Variants in MIPOL1 observed in about 807,000 individuals in gnomAD.
MIPOL1 encodes the protein mirror-image polydactyly gene 1 protein.
A neutral mutation model predicts 60.9 loss-of-function variants in MIPOL1; 57 were observed. That is an observed-to-expected ratio of 0.94 (90% CI 0.76 to 1.17). The LOEUF is 1.17. MIPOL1 is among the 50% of genes most tolerant of loss of function. MIPOL1 has a pLI of 0.00. For missense variants in MIPOL1, 551 were observed against 511.6 expected (o/e 1.08, Z -0.74); for synonymous variants, 179 against 168.8 (o/e 1.06, Z -0.47).
intron 12 of MIPOL1, among the ~76,000 whole-genome samples, chr14:37,529,275 G>A (rs1229561810): frequency 1.3e-5 from 2 of 152,114 alleles, no homozygotes; most frequent in Non-Finnish European, 2.9e-5. Context: ...TTTCATCTCT[G>A]TTACCGTTAT....
At chr14:37,465,704 A>C (rs2094589774) in intron 11 of MIPOL1, among the ~76,000 whole-genome samples, 1 of 152,162 alleles carries the variant, frequency 6.6e-6, no homozygotes. Context: ...CAATTAGGCT[A>C]TTAAAATTCC....
chr14:37,450,607 C>T (rs934921056), intron 11 of MIPOL1, among the ~76,000 whole-genome samples: 1 of 152,044 alleles, frequency 6.6e-6, no homozygotes, highest in Non-Finnish European at 1.5e-5. Context: ...GTGATCTCCA[C>T]TTATAGATGC....
chr14:37,284,177 C>T (rs2084357265), intron 6 of MIPOL1, among the ~76,000 whole-genome samples: 1 of 151,964 alleles, frequency 6.6e-6, no homozygotes, highest in African/African-American at 2.4e-5. Context: ...TCAACAGTGC[C>T]CCCTGCTCTG....
chr14:37,334,376 G>T (rs1318168662), intron 9 of MIPOL1, among the ~76,000 whole-genome samples: 1 of 151,938 alleles, frequency 6.6e-6, no homozygotes, highest in Non-Finnish European at 1.5e-5. Context: ...TATGCTATCT[G>T]ATTTTAAGAC....
chr14:37,525,637 G>A (rs2095441855), intron 12 of MIPOL1, among the ~76,000 whole-genome samples: 1 of 152,144 alleles, frequency 6.6e-6, no homozygotes, highest in African/African-American at 2.4e-5. Flanking sequence ...AAAGGATGTT[G>A]TTCCCGGAAG....
At chr14:37,248,356 A>G (rs906390957) in intron 3 of MIPOL1, among the ~76,000 whole-genome samples, 2 of 152,064 alleles carry the variant, frequency 1.3e-5, no homozygotes, top group South Asian at 2.1e-4. Context: ...AGGCACTGAC[A>G]CACACCTGGA....
At chr14:37,463,141 G>C (rs1281715838) in intron 11 of MIPOL1, among the ~76,000 whole-genome samples, 1 of 152,206 alleles carries the variant, frequency 6.6e-6, no homozygotes, top group Non-Finnish European at 1.5e-5. Flanking sequence ...AATCATGGCA[G>C]AAGGCAAGGA....
intron 9 of MIPOL1, among the ~76,000 whole-genome samples, chr14:37,366,453 A>C (rs997825365): frequency 6.6e-6 from 1 of 151,902 alleles, no homozygotes; most frequent in African/African-American, 2.4e-5. Context: ...GTGTTTGTGT[A>C]GTTTCCAGAA....
intron 9 of MIPOL1, among the ~76,000 whole-genome samples, chr14:37,351,723 G>A (rs1382477717): frequency 3.1e-5 from 4 of 129,096 alleles, no homozygotes; most frequent in Admixed American, 8.0e-5. Flanking sequence ...AGAAGTGTCT[G>A]TTCATGTCCT....
intron 12 of MIPOL1, chr14:37,523,627 A>G: frequency 2.7e-6 from 1 of 373,450 alleles, no homozygotes; most frequent in Non-Finnish European, 4.8e-6. Context: ...GATCAATTGT[A>G]TTCATGTCCT....
intron 11 of MIPOL1, among the ~76,000 whole-genome samples, chr14:37,453,672 T>G (rs1055042813): frequency 3.9e-5 from 6 of 152,098 alleles, no homozygotes; most frequent in Non-Finnish European, 8.8e-5. Context: ...AAATAATTCG[T>G]GTCATTTTAA....
At chr14:37,319,134 C>G (rs2088274845) in intron 9 of MIPOL1, among the ~76,000 whole-genome samples, 1 of 152,088 alleles carries the variant, frequency 6.6e-6, no homozygotes, top group Non-Finnish European at 1.5e-5. Flanking sequence ...AGTCACTGCA[C>G]CTGGTCTCAT....
At position 37,541,916 on chromosome 14, in the gene MIPOL1, C is replaced by T. The variant is rs1392957320; in HGVS notation, c.1263-4989C>T. 3.9e-5 allele frequency among the ~76,000 whole-genome samples: 6 copies of T among 152,114 alleles called. No individual in the cohort carries two copies. The East Asian group carries it at 9.7e-4, about 25-fold the overall frequency. On this transcript the variant is annotated intron_variant, in intron 12 of 12. Transcript: ENST00000684589. ...AGCATGTTTCTGTTTCTTTAGACTCCTTTCCCATAGTCTATCAACACATTC... is the reference window on the plus strand; with the variant it reads ...AGCATGTTTCTGTTTCTTTAGACTCTTTTCCCATAGTCTATCAACACATTC...
At chr14:37,310,874 T>C (rs1251809878) in intron 9 of MIPOL1, among the ~76,000 whole-genome samples, 1 of 152,190 alleles carries the variant, frequency 6.6e-6, no homozygotes, top group Non-Finnish European at 1.5e-5. Flanking sequence ...TTCAGAGGTT[T>C]GAGGGCTTAG....
intron 7 of MIPOL1, among the ~76,000 whole-genome samples, chr14:37,302,193 C>G (rs556107697): frequency 1.4e-5 from 2 of 148,008 alleles, no homozygotes; most frequent in Non-Finnish European, 3.0e-5. Context: ...TCCAGAGTGG[C>G]TATACTAGCA....
chr14:37,327,085 G>T (rs1418543009), intron 9 of MIPOL1, among the ~76,000 whole-genome samples: 2 of 152,124 alleles, frequency 1.3e-5, no homozygotes. Context: ...ATTTAGAAGT[G>T]AAGAGAGATG....
At chr14:37,343,418 G>A (rs977313542) in intron 9 of MIPOL1, among the ~76,000 whole-genome samples, 6 of 152,068 alleles carry the variant, frequency 3.9e-5, no homozygotes, top group East Asian at 1.9e-4. Flanking sequence ...TTCTATAGTC[G>A]TAAGTACTTT....
At chr14:37,264,074 G>A (rs555344810) in intron 3 of MIPOL1, among the ~76,000 whole-genome samples, 14 of 152,126 alleles carry the variant, frequency 9.2e-5, no homozygotes, top group African/African-American at 2.6e-4. Flanking sequence ...TAGTAGCTTC[G>A]TCTCATTATT....
At chr14:37,492,270 G>A (rs991258591) in intron 11 of MIPOL1, among the ~76,000 whole-genome samples, 6 of 152,148 alleles carry the variant, frequency 3.9e-5, no homozygotes, top group Admixed American at 2.0e-4. Flanking sequence ...TTTCATATTT[G>A]CTTAGGTTTT....
Sources: allele counts gnomAD v4.1 joint callset (sites outside exome capture counted in the v4.1 genomes callset), GRCh38; gene constraint gnomAD v4.1.1; transcripts MANE v1.5; gene names NCBI Gene and HGNC (gene_info 2026-07-23, HGNC 2026-07-21).